The following RS1 variants were observed in gnomAD, a reference collection of about 807,000 sequenced individuals.
The protein encoded by RS1 is retinoschisin 1, also known as retinoschisin.
A neutral mutation model predicts 20.8 loss-of-function variants in RS1; 2 were observed. The observed-to-expected ratio is 0.10, with a 90% CI of 0.04 to 0.30. The LOEUF (loss-of-function observed/expected upper bound fraction) is 0.30, where lower values mean the gene tolerates loss of function less well. Among genes scored for constraint, RS1 ranks in the 10% least tolerant of loss-of-function variants. The pLI is 1.00. For missense variants in RS1, 151 were observed against 189.8 expected (o/e 0.80, Z 1.20); for synonymous variants, 70 against 75.8 (o/e 0.92, Z 0.40).
At chrX:18,661,286 T>C (rs2147205014) in intron 1 of RS1, among the ~76,000 whole-genome samples, 1 of 111,394 alleles carries the variant, frequency 9.0e-6, no homozygotes, top group South Asian at 3.8e-4. Flanking sequence ...TCTCAGGGCA[T>C]GCAAGGGAGG....
chrX:18,657,784 C>T, intron 1 of RS1, 119 bp from the exon 2 acceptor site: 1 of 589,756 alleles, frequency 1.7e-6, no homozygotes, highest in South Asian at 2.3e-5. Context: ...AACACCCCTT[C>T]TGGAAGAAGT....
intron 1 of RS1, among the ~76,000 whole-genome samples, chrX:18,659,483 A>G (rs963903612): frequency 2.7e-5 from 3 of 110,845 alleles, no homozygotes; most frequent in Non-Finnish European, 5.7e-5. Context: ...AAAATAAATT[A>G]ATTAAAATTA....
At chrX:18,646,220 C>A in intron 4 of RS1, 1 of 1,014,097 alleles carries the variant, frequency 9.9e-7, no homozygotes, top group Non-Finnish European at 1.3e-6. Flanking sequence ...GGCACACAAT[C>A]TCGGCTCACT....
intron 1 of RS1, among the ~76,000 whole-genome samples, chrX:18,658,696 A>T (rs1928261611): frequency 9.1e-6 from 1 of 110,391 alleles, no homozygotes; most frequent in Non-Finnish European, 1.9e-5. Flanking sequence ...ACCTCAGGTG[A>T]TACTCCTGCC....
chrX:18,660,668 A>T (rs1313360258), intron 1 of RS1, among the ~76,000 whole-genome samples: 1 of 112,677 alleles, frequency 8.9e-6, no homozygotes, highest in Non-Finnish European at 1.9e-5. Flanking sequence ...GCTTTTAGAA[A>T]CCACACAAAG....
intron 3 of RS1, among the ~76,000 whole-genome samples, chrX:18,651,964 A>G (rs1928067875): frequency 9.2e-6 from 1 of 108,288 alleles, no homozygotes; most frequent in Non-Finnish European, 1.9e-5. Flanking sequence ...CTGGCCCCCC[A>G]TGCCTCAGCC....
intron 4 of RS1, 49 bp from the exon 5 acceptor site, chrX:18,644,674 G>C (rs1254139033): frequency 9.5e-6 from 11 of 1,155,700 alleles, no homozygotes; most frequent in Non-Finnish European, 1.3e-5. Context: ...GTGCATGTCT[G>C]CAAAAAGCCC....
At chrX:18,665,114 A>G (rs1928383196) in intron 1 of RS1, among the ~76,000 whole-genome samples, 1 of 111,280 alleles carries the variant, frequency 9.0e-6, no homozygotes, top group Non-Finnish European at 1.9e-5. Flanking sequence ...CTAAATCCCT[A>G]CCATCCTATG....
At chrX:18,669,368 G>A (rs2147208524) in intron 1 of RS1, among the ~76,000 whole-genome samples, 1 of 107,646 alleles carries the variant, frequency 9.3e-6, no homozygotes, top group Non-Finnish European at 1.9e-5. Flanking sequence ...GCACACGTCT[G>A]TAATCCCAGC....
At chrX:18,643,016 G>T (rs1383434765) in intron 5 of RS1, among the ~76,000 whole-genome samples, 2 of 111,894 alleles carry the variant, frequency 1.8e-5, no homozygotes, top group African/African-American at 6.5e-5. Context: ...TTGCACTCCA[G>T]CCTGGGCAAC....
chrX:18,648,426 G>C (rs893748052), intron 3 of RS1, among the ~76,000 whole-genome samples: 17 of 109,887 alleles, frequency 1.5e-4, no homozygotes, highest in Non-Finnish European at 3.0e-4. Flanking sequence ...ATTTTTTGTA[G>C]AGACAGGATT....
At chrX:18,649,554 A>T (rs1216241334) in intron 3 of RS1, among the ~76,000 whole-genome samples, 2 of 111,717 alleles carry the variant, frequency 1.8e-5, no homozygotes, top group Non-Finnish European at 3.8e-5. Context: ...CAATGCACGA[A>T]AGGAATAGGC....
At chrX:18,664,350 G>A (rs893714252) in intron 1 of RS1, among the ~76,000 whole-genome samples, 11 of 112,384 alleles carry the variant, frequency 9.8e-5, no homozygotes, top group Admixed American at 2.8e-4. Flanking sequence ...AAAAGGGGCC[G>A]GGCGCGGTGG....
intron 3 of RS1, among the ~76,000 whole-genome samples, chrX:18,655,391 A>G (rs1928195125): frequency 1.8e-5 from 2 of 112,039 alleles, no homozygotes; most frequent in African/African-American, 3.2e-5. Flanking sequence ...ACTAGTTGTG[A>G]CAGATTATTT....
At chrX:18,648,608 G>C (rs1312893417) in intron 3 of RS1, among the ~76,000 whole-genome samples, 1 of 111,654 alleles carries the variant, frequency 9.0e-6, no homozygotes, top group African/African-American at 3.3e-5. Flanking sequence ...GCTGAATAAA[G>C]GGCCTTTCCC....
At chrX:18,646,218 A>G (rs1927768759) in intron 4 of RS1, 1 of 1,036,347 alleles carries the variant, frequency 9.6e-7, no homozygotes, top group African/African-American at 1.9e-5. Flanking sequence ...GTGGCACACA[A>G]TCTCGGCTCA....
chrX:18,664,192 C>T (rs926475549), intron 1 of RS1, among the ~76,000 whole-genome samples: 13 of 112,043 alleles, frequency 1.2e-4, no homozygotes, highest in Non-Finnish European at 2.1e-4. Context: ...GCATCTACAT[C>T]GGGGTATGTT....
intron 1 of RS1, among the ~76,000 whole-genome samples, chrX:18,664,284 A>G (rs1928366800): frequency 8.9e-6 from 1 of 112,496 alleles, no homozygotes. Context: ...CATGATGCTG[A>G]GTGAGAAGTC....
intron 3 of RS1, chrX:18,647,654 CT>C: frequency 6.8e-6 from 2 of 294,403 alleles, no homozygotes; most frequent in South Asian, 9.8e-5. Context: ...ACTTAGAGAT[CT>C]AAAAACCAAG....
Sources: allele counts gnomAD v4.1 joint callset (sites outside exome capture counted in the v4.1 genomes callset), GRCh38; gene constraint gnomAD v4.1.1; transcripts MANE v1.5; gene names NCBI Gene and HGNC (gene_info 2026-07-23, HGNC 2026-07-21).